The following SLC8A3 variants were observed in gnomAD, a reference collection of about 807,000 sequenced individuals.
The protein encoded by SLC8A3 is solute carrier family 8 member A3.
SLC8A3 carries 37 observed loss-of-function variants against 65.4 expected under a neutral mutation model. The observed-to-expected ratio is 0.57, with a 90% CI of 0.44 to 0.74. The LOEUF (loss-of-function observed/expected upper bound fraction) is 0.74, where lower values mean the gene tolerates loss of function less well. SLC8A3 is among the 30% of genes least tolerant of loss of function. SLC8A3 has a pLI of 0.00. For synonymous variants in SLC8A3, 461 were observed against 444.5 expected (o/e 1.04, Z -0.47); for missense variants, 1,112 against 1,172.1 (o/e 0.95, Z 0.75).
chr14:70,159,995 T>C (rs76710468), intron 2 of SLC8A3, among the ~76,000 whole-genome samples: 1 of 151,994 alleles, frequency 6.6e-6, no homozygotes, highest in African/African-American at 2.4e-5. Flanking sequence ...ACCAACCAAC[T>C]GTGGGTGCCA....
intron 2 of SLC8A3, among the ~76,000 whole-genome samples, chr14:70,098,953 G>A (rs989056160): frequency 6.6e-5 from 10 of 152,102 alleles, no homozygotes; most frequent in South Asian, 2.1e-4. Context: ...TGCAGCCCAC[G>A]GTTCTCCGGG....
chr14:70,068,901 A>AT (rs1375168618), intron 2 of SLC8A3, among the ~76,000 whole-genome samples: 1 of 151,476 alleles, frequency 6.6e-6, no homozygotes, highest in East Asian at 1.9e-4. Flanking sequence ...TAATTTTTGT[A>AT]TTTTTTCTAG....
intron 2 of SLC8A3, among the ~76,000 whole-genome samples, chr14:70,141,403 C>T (rs1044975747): frequency 2.8e-4 from 42 of 152,186 alleles, no homozygotes; most frequent in Non-Finnish European, 2.6e-4. Context: ...CATGAAAGAT[C>T]CAAGATTCAC....
At chr14:70,158,663 C>A (rs1436319253) in intron 2 of SLC8A3, among the ~76,000 whole-genome samples, 3 of 152,142 alleles carry the variant, frequency 2.0e-5, no homozygotes, top group African/African-American at 7.2e-5. Flanking sequence ...GTATGTTAAT[C>A]CTTAGCTAGG....
chr14:70,100,498 G>A (rs1237674340), intron 2 of SLC8A3, among the ~76,000 whole-genome samples: 1 of 152,202 alleles, frequency 6.6e-6, no homozygotes, highest in Admixed American at 6.5e-5. Context: ...TTTGCAATAA[G>A]AAGGTTCAAG....
intron 2 of SLC8A3, among the ~76,000 whole-genome samples, chr14:70,156,558 G>A (rs1258509607): frequency 2.0e-5 from 3 of 152,118 alleles, no homozygotes; most frequent in Non-Finnish European, 4.4e-5. Context: ...ACAAAAGGAC[G>A]GTCCCTATTT....
intron 2 of SLC8A3, among the ~76,000 whole-genome samples, chr14:70,070,018 C>T (rs1167721964): frequency 2.6e-5 from 4 of 152,066 alleles, no homozygotes; most frequent in East Asian, 3.9e-4. Context: ...AGAGGAGAAG[C>T]GGCTTGAATG....
chr14:70,078,496 C>A (rs1000424102), intron 2 of SLC8A3, among the ~76,000 whole-genome samples: 21 of 152,154 alleles, frequency 1.4e-4, no homozygotes, highest in African/African-American at 4.1e-4. Flanking sequence ...TGCTGACTTG[C>A]AGGTAGTTTG....
At chr14:70,077,871 C>T (rs903412707) in intron 2 of SLC8A3, among the ~76,000 whole-genome samples, 2 of 152,262 alleles carry the variant, frequency 1.3e-5, no homozygotes, top group African/African-American at 4.8e-5. Context: ...CAAAAGACAT[C>T]TGCCCTTCCT....
chr14:70,174,662 G>GTTTGTTTTTT (rs1566833477), intron 1 of SLC8A3, among the ~76,000 whole-genome samples: 19 of 66,512 alleles, frequency 2.9e-4, no homozygotes, highest in East Asian at 4.0e-4. Flanking sequence ...TTTTTTTTTT[G>GTTTGTTTTTT]TTTTTTTTTT....
chr14:70,188,879 G>A lies in SLC8A3; in HGVS notation c.-563C>T, dbSNP rs1266113351. On this transcript the variant is annotated 5_prime_UTR_variant, in exon 1 of 7. Coordinates refer to ENST00000356921, the MANE Select transcript of SLC8A3 (RefSeq NM_182932.3). ...CTTTCCCTGGGCTGGGAGCGCGCCG[G>A]GTCTCCGCCTTGCACGCTGTCACCG... 1.3e-5 allele frequency: 2 copies of A among 152,064 alleles called. No homozygotes were observed. Among genetic ancestry groups the A allele is most frequent in the Non-Finnish European group, 2.9e-5 (2 of 67,986 alleles). 9.4% of individuals were successfully genotyped at this position (152,064 alleles called of 1,614,324 possible). A position where few individuals can be genotyped will look rare whatever the true frequency, so the allele number is the denominator to read the frequency against.
intron 2 of SLC8A3, among the ~76,000 whole-genome samples, chr14:70,069,880 C>G (rs1889849630): frequency 6.6e-6 from 1 of 152,170 alleles, no homozygotes. Flanking sequence ...GATTCTGATT[C>G]AGTAGATCTG....
In SLC8A3 at chr14:70,151,365, G is replaced by T. The variant is rs1264887974; in HGVS notation, c.1784+15274C>A. ...GTAATGAAGTAACAAAACAGATTGG[G>T]GTATGTGGCTTAGAGAAAGTGGCCA... On this transcript the variant is annotated intron_variant, in intron 2 of 6. Transcript: ENST00000356921. 2.0e-5 allele frequency among the ~76,000 whole-genome samples: 3 copies of T among 152,176 alleles called. No homozygotes were observed. The East Asian group carries it at 5.8e-4, about 29-fold the overall frequency.
intron 2 of SLC8A3, among the ~76,000 whole-genome samples, chr14:70,084,313 G>A (rs1416620609): frequency 1.3e-5 from 2 of 152,128 alleles, no homozygotes; most frequent in African/African-American, 4.8e-5. Flanking sequence ...TCCTAAAAGC[G>A]GCTATAATGT....
chr14:70,110,905 C>T (rs1485481177), intron 2 of SLC8A3, among the ~76,000 whole-genome samples: 1 of 152,078 alleles, frequency 6.6e-6, no homozygotes, highest in Non-Finnish European at 1.5e-5. Context: ...TGGTCTCGAT[C>T]TCCTGACCTC....
intron 1 of SLC8A3, 70 bp from the exon 2 acceptor site, chr14:70,168,554 A>C (rs1427488491): frequency 6.2e-6 from 4 of 647,430 alleles, no homozygotes; most frequent in Non-Finnish European, 1.1e-5. Flanking sequence ...GTTCCCACCA[A>C]TACAACTGAT....
rs1594797155 is a variant in SLC8A3, at chr14:70,168,321, G to C, written c.102C>G (p.Gly34=). ...FLNGLRAEAG[G]SGDVPSTGQN... The stretch of plus-strand genomic sequence containing the variant: ...GCCCTGTGCTTGGCACGTCCCCTGA[G>C]CCACCAGCCTCTGCTCGAAGACCAT... Residue 34 remains glycine, a synonymous_variant, in exon 2 of 7, where the codon GGC becomes GGG. Coordinates refer to ENST00000356921, the MANE Select transcript of SLC8A3 (RefSeq NM_182932.3). The C allele has an allele frequency of 6.2e-7, 1 of 1,614,088 alleles. No homozygotes were observed. Among genetic ancestry groups the C allele is most frequent in the Non-Finnish European group, 8.5e-7 (1 of 1,179,996 alleles).
At chr14:70,189,353 C>T (rs1883623128), upstream of SLC8A3, among the ~76,000 whole-genome samples, 1 of 152,132 alleles carries the variant, frequency 6.6e-6, no homozygotes, top group East Asian at 1.9e-4. Context: ...GGCGGGCGCG[C>T]GGCACCGGCT....
chr14:70,107,005 G>T (rs1892920269), intron 2 of SLC8A3, among the ~76,000 whole-genome samples: 1 of 152,146 alleles, frequency 6.6e-6, no homozygotes, highest in Non-Finnish European at 1.5e-5. Flanking sequence ...GCACCAGTCT[G>T]AGCACAGGTT....
Sources: allele counts gnomAD v4.1 joint callset (sites outside exome capture counted in the v4.1 genomes callset), GRCh38; gene constraint gnomAD v4.1.1; transcripts MANE v1.5; gene names NCBI Gene and HGNC (gene_info 2026-07-23, HGNC 2026-07-21).